Variants in CAMK1D observed in about 807,000 individuals in gnomAD.
CAMK1D encodes the protein calcium/calmodulin dependent protein kinase ID, also known as calcium/calmodulin-dependent protein kinase type 1D.
A neutral mutation model predicts 47.7 loss-of-function variants in CAMK1D; 9 were observed. That is an observed-to-expected ratio of 0.19 (90% CI 0.11 to 0.33). The LOEUF (loss-of-function observed/expected upper bound fraction) is 0.33. Ranked by LOEUF, CAMK1D falls within the 10% of genes least tolerant of loss-of-function variation. The pLI, the probability that CAMK1D is intolerant of heterozygous loss-of-function variation, is 1.00. For missense variants in CAMK1D, 291 were observed against 488.7 expected, an observed-to-expected ratio of 0.60 and a Z score of 3.81; for synonymous variants, 184 against 184.9, an observed-to-expected ratio of 0.99 and a Z score of 0.04.
chr10:12,705,635 A>G (rs1833701948), intron 3 of CAMK1D, among the ~76,000 whole-genome samples: 1 of 152,178 alleles, frequency 6.6e-6, no homozygotes, highest in Non-Finnish European at 1.5e-5. Flanking sequence ...GGCTCCATGT[A>G]GACAATCCTA....
rs540519497 is a variant in CAMK1D at position 12,691,697 on chromosome 10, C to T, written c.299+24887C>T. ...TGAACTCCTGACCTTGTCATCCGCC[C>T]GCCTCGGCCTCCCAACGTGCTGGGA... On this transcript the variant is annotated intron_variant, in intron 3 of 10. Coordinates refer to ENST00000619168, the MANE Select transcript of CAMK1D (RefSeq NM_153498.4). 1.9e-3 allele frequency among the ~76,000 whole-genome samples: 292 copies of T among 151,816 alleles called. 1 individual carries two copies. Among genetic ancestry groups the T allele is most frequent in the African/African-American group, 6.3e-3 (261 of 41,330 alleles).
chr10:12,756,835 G>A (rs1418286286), intron 3 of CAMK1D, among the ~76,000 whole-genome samples: 1 of 152,244 alleles, frequency 6.6e-6, no homozygotes. Flanking sequence ...GGCTAAGGCA[G>A]GAGAATGGCG....
At chr10:12,661,330 C>T (rs751655962) in intron 2 of CAMK1D, among the ~76,000 whole-genome samples, 4 of 152,086 alleles carry the variant, frequency 2.6e-5, no homozygotes, top group African/African-American at 7.2e-5. Context: ...TAAGTTATAG[C>T]GTAATTGCTT....
intron 1 of CAMK1D, among the ~76,000 whole-genome samples, chr10:12,487,062 T>C (rs899632689): frequency 4.6e-5 from 7 of 152,182 alleles, no homozygotes; most frequent in East Asian, 1.9e-4. Context: ...TGTAAGTTTG[T>C]GATATAGGTA....
intron 1 of CAMK1D, among the ~76,000 whole-genome samples, chr10:12,479,915 G>A (rs1297693153): frequency 3.9e-5 from 6 of 152,158 alleles, no homozygotes; most frequent in Admixed American, 3.3e-4. Context: ...TCTCAACGAC[G>A]TCCTGGATAC....
chr10:12,382,057 AT>A (rs753265137), intron 1 of CAMK1D, among the ~76,000 whole-genome samples: 1 of 152,106 alleles, frequency 6.6e-6, no homozygotes, highest in Non-Finnish European at 1.5e-5. Flanking sequence ...ACAATTTTTC[AT>A]TTTTTTATCA....
At chr10:12,382,378 T>C (rs1305778528) in intron 1 of CAMK1D, among the ~76,000 whole-genome samples, 3 of 152,122 alleles carry the variant, frequency 2.0e-5, no homozygotes, top group African/African-American at 7.2e-5. Flanking sequence ...TACTAGATGA[T>C]AAGGTACTTG....
intron 1 of CAMK1D, among the ~76,000 whole-genome samples, chr10:12,531,569 C>T (rs1203514476): frequency 6.6e-6 from 1 of 152,236 alleles, no homozygotes; most frequent in Non-Finnish European, 1.5e-5. Flanking sequence ...GCAGGAGAGA[C>T]TCCAGGGAAT....
At chr10:12,483,226 A>G (rs1199488216) in intron 1 of CAMK1D, among the ~76,000 whole-genome samples, 3 of 152,148 alleles carry the variant, frequency 2.0e-5, no homozygotes, top group African/African-American at 4.8e-5. Flanking sequence ...CTTTGAGACA[A>G]GGTCTCATTT....
Position 12,576,158 on chromosome 10 carries a change from G to A in CAMK1D, c.224+22802G>A, listed in dbSNP as rs531886818. Among the ~76,000 whole-genome samples, 176 of 152,186 alleles carry A rather than the reference G, an allele frequency of 1.2e-3. 1 individual carries two copies. Among genetic ancestry groups the A allele is most frequent in the African/African-American group, 3.5e-3 (144 of 41,512 alleles). On this transcript the variant is annotated intron_variant, in intron 2 of 10. Coordinates refer to ENST00000619168, the MANE Select transcript of CAMK1D (RefSeq NM_153498.4). ...GTTTATTTATGTTGTTTCTTTGATC[G>A]AATTATTTAAAGTTTTAAGGCTGTG...
At chr10:12,659,137 C>T (rs1840201162) in intron 2 of CAMK1D, among the ~76,000 whole-genome samples, 2 of 152,294 alleles carry the variant, frequency 1.3e-5, no homozygotes, top group African/African-American at 2.4e-5. Flanking sequence ...GCACTGAGAA[C>T]GTGAGCCAGT....
intron 2 of CAMK1D, among the ~76,000 whole-genome samples, chr10:12,592,628 C>G (rs549174455): frequency 6.6e-6 from 1 of 152,244 alleles, no homozygotes; most frequent in Non-Finnish European, 1.5e-5. Context: ...GTTTCATGCC[C>G]CTTATTTCCA....
At chr10:12,475,364 G>A (rs147577975) in intron 1 of CAMK1D, among the ~76,000 whole-genome samples, 1 of 152,258 alleles carries the variant, frequency 6.6e-6, no homozygotes, top group African/African-American at 2.4e-5. Flanking sequence ...TCTCATATAA[G>A]TGGAGTCATA....
chr10:12,469,149 C>T (rs1833677525), intron 1 of CAMK1D, among the ~76,000 whole-genome samples: 1 of 151,978 alleles, frequency 6.6e-6, no homozygotes. Context: ...GGCAAGGAGC[C>T]TGTTGTATTC....
intron 2 of CAMK1D, among the ~76,000 whole-genome samples, chr10:12,612,384 C>T (rs1838657069): frequency 1.3e-5 from 2 of 148,374 alleles, no homozygotes; most frequent in Non-Finnish European, 1.5e-5. Context: ...ATCTCTTGCC[C>T]AGGCTGGAGT....
intron 3 of CAMK1D, among the ~76,000 whole-genome samples, chr10:12,695,444 C>T (rs988109814): frequency 6.6e-6 from 1 of 152,214 alleles, no homozygotes; most frequent in Non-Finnish European, 1.5e-5. Context: ...AGCTTCAGCA[C>T]TACCTACTCC....
chr10:12,698,673 A>ATTTTTTTTTTTTTT (rs573723767), intron 3 of CAMK1D, among the ~76,000 whole-genome samples: 4 of 103,924 alleles, frequency 3.8e-5, no homozygotes, highest in African/African-American at 1.1e-4. Context: ...CCTTTAAAGA[A>ATTTTTTTTTTTTTT]TTTTTTTTTT....
At chr10:12,580,268 G>C (rs1185896197) in intron 2 of CAMK1D, among the ~76,000 whole-genome samples, 1 of 150,184 alleles carries the variant, frequency 6.7e-6, no homozygotes, top group Non-Finnish European at 1.5e-5. Context: ...ACTAACAGAT[G>C]TTTAGGAATT....
chr10:12,496,373 G>A (rs980901039), intron 1 of CAMK1D, among the ~76,000 whole-genome samples: 1 of 152,138 alleles, frequency 6.6e-6, no homozygotes, highest in Non-Finnish European at 1.5e-5. Context: ...GCTCTTCATG[G>A]CGTCTGGGAC....
Sources: allele counts gnomAD v4.1 joint callset (sites outside exome capture counted in the v4.1 genomes callset), GRCh38; gene constraint gnomAD v4.1.1; transcripts MANE v1.5; gene names NCBI Gene and HGNC (gene_info 2026-07-23, HGNC 2026-07-21).